Variants in EVL observed in about 807,000 individuals in gnomAD.
EVL encodes the protein Enah/Vasp-like.
In EVL, 21 loss-of-function variants were observed where a neutral mutation model predicts 59.6. The ratio of observed to expected loss-of-function variants is 0.35; its 90% CI spans 0.25 to 0.51. EVL has a LOEUF of 0.51. Ranked by LOEUF, EVL falls within the 20% of genes least tolerant of loss-of-function variation. EVL has a pLI of 0.97. For synonymous variants in EVL, 198 were observed against 203.5 expected (o/e 0.97, Z 0.23); for missense variants, 462 against 546.6 (o/e 0.85, Z 1.54).
At chr14:100,104,620 C>G (rs969628465) in intron 3 of EVL, among the ~76,000 whole-genome samples, 3 of 152,100 alleles carry the variant, frequency 2.0e-5, no homozygotes, top group East Asian at 1.9e-4. Flanking sequence ...TTTTATAAAC[C>G]CTGCAAAGCT....
chr14:100,042,578 C>T (rs1312203630), intron 1 of EVL, among the ~76,000 whole-genome samples: 5 of 152,134 alleles, frequency 3.3e-5, no homozygotes, highest in Admixed American at 6.5e-5. Context: ...GTGAGCATGC[C>T]GTGAGGGTGC....
At chr14:100,123,101 T>C (rs1334765981) in intron 3 of EVL, among the ~76,000 whole-genome samples, 1 of 152,196 alleles carries the variant, frequency 6.6e-6, no homozygotes, top group African/African-American at 2.4e-5. Flanking sequence ...GAAAGTGGAA[T>C]CAAGTGGACT....
intron 4 of EVL, among the ~76,000 whole-genome samples, 173 bp downstream of exon 4, chr14:100,123,775 C>T (rs1338103142): frequency 6.6e-6 from 1 of 152,210 alleles, no homozygotes; most frequent in Non-Finnish European, 1.5e-5. Flanking sequence ...GGGGCCGATG[C>T]GCAGCCGCTG....
At chr14:100,078,145 TA>T (rs2062207328) in intron 1 of EVL, among the ~76,000 whole-genome samples, 1 of 152,230 alleles carries the variant, frequency 6.6e-6, no homozygotes, top group African/African-American at 2.4e-5. Context: ...ACGTTGGTTT[TA>T]AAATCTGTTT....
At chr14:100,084,610 C>G in intron 1 of EVL, 77 bp from the exon 2 acceptor site, 1 of 1,500,814 alleles carries the variant, frequency 6.7e-7, no homozygotes, top group East Asian at 2.3e-5. Context: ...AGCAATTGGC[C>G]TCTATTTCAG....
intron 1 of EVL, among the ~76,000 whole-genome samples, chr14:100,030,981 G>C (rs2061306088): frequency 6.6e-6 from 1 of 152,204 alleles, no homozygotes; most frequent in Non-Finnish European, 1.5e-5. Context: ...TATGACGTAT[G>C]AGGTCTCTTC....
intron 1 of EVL, among the ~76,000 whole-genome samples, chr14:100,015,471 A>G (rs1209162): frequency 0.31 from 46,529 of 152,030 alleles, 8,764 homozygotes; most frequent in African/African-American, 0.52. Context: ...TGAGTGTTCT[A>G]CCATGGTAGT....
At chr14:100,012,847 C>T (rs1008803689) in intron 1 of EVL, among the ~76,000 whole-genome samples, 1 of 152,204 alleles carries the variant, frequency 6.6e-6, no homozygotes, top group South Asian at 2.1e-4. Context: ...CTAAGACTTA[C>T]AATGTATGAC....
intron 5 of EVL, 71 bp downstream of exon 5, chr14:100,126,842 G>GCCCCGTGTGT: frequency 2.7e-6 from 4 of 1,495,102 alleles, no homozygotes; most frequent in Non-Finnish European, 2.8e-6. Context: ...CGTAGATGAG[G>GCCCCGTGTGT]CCCAGGGACA....
intron 1 of EVL, among the ~76,000 whole-genome samples, chr14:99,986,091 A>G (rs1020260478): frequency 2.0e-5 from 3 of 152,090 alleles, no homozygotes; most frequent in African/African-American, 7.2e-5. Flanking sequence ...CAGGAGTTCA[A>G]GACCAGCCTG....
At chr14:99,971,452 G>A (rs981231858) in exon 1 of EVL, 1 of 151,822 alleles carries the variant, frequency 6.6e-6, no homozygotes, top group African/African-American at 2.4e-5. Context: ...CGCGGACGGT[G>A]GGGCCCCGCG....
At chr14:100,137,212 G>A (rs1014125189) in intron 9 of EVL, 7 of 292,478 alleles carry the variant, frequency 2.4e-5, no homozygotes, top group Non-Finnish European at 4.5e-5. Flanking sequence ...AGCAGGTGCC[G>A]GGCCGAGGGG....
At chr14:100,039,447 G>C (rs1490382146) in intron 1 of EVL, among the ~76,000 whole-genome samples, 1 of 152,140 alleles carries the variant, frequency 6.6e-6, no homozygotes, top group Non-Finnish European at 1.5e-5. Context: ...ATGTCGGTCA[G>C]GCTGGTCTCA....
chr14:100,136,016 G>T (rs1281954950), intron 9 of EVL, 48 bp downstream of exon 9: 2 of 1,601,898 alleles, frequency 1.2e-6, no homozygotes, highest in African/African-American at 2.7e-5. Context: ...AGGTCTCAGA[G>T]TGGGAGGGGG....
intron 1 of EVL, among the ~76,000 whole-genome samples, chr14:99,989,796 TTAAA>T (rs1486126638): frequency 6.6e-6 from 1 of 152,212 alleles, no homozygotes; most frequent in Non-Finnish European, 1.5e-5. Flanking sequence ...TAAATATCTG[TTAAA>T]TGAATGAATG....
rs58173126 is a variant in EVL, at chr14:100,118,901, A to T, written c.359-4638A>T. ...CGAAGCTGGAAAGTGGGCCTCCAAG[A>T]CAGCAAGAAGTCAGCTCCTTCCCAA... On this transcript the variant is annotated intron_variant, in intron 3 of 13. Transcript: ENST00000392920. 0.017 allele frequency among the ~76,000 whole-genome samples: 2,531 copies of T among 152,320 alleles called. 116 individuals carry two copies. In the East Asian group the frequency reaches 0.19, roughly 11 times the overall value.
At position 100,038,773 on chromosome 14, in the gene EVL, T is replaced by G. The variant is rs185379034; in HGVS notation, c.6-45914T>G. ...GTACCCTGTGTGCTGTGCCCTGGGG[T>G]GTGTGTGTGTGTGTGTGTGTGTGTG... is the stretch of plus-strand genomic sequence containing the variant. On this transcript the variant is annotated intron_variant, in intron 1 of 13. Coordinates refer to the EVL transcript ENST00000402714. Among the ~76,000 whole-genome samples the G allele has an allele frequency of 9.5e-3, 1,383 of 145,352 alleles. 17 individuals carry two copies. Among genetic ancestry groups the G allele is most frequent in the African/African-American group, 0.034 (1,292 of 37,772 alleles).
At chr14:100,023,972 C>T (rs1268955471) in intron 1 of EVL, among the ~76,000 whole-genome samples, 2 of 152,168 alleles carry the variant, frequency 1.3e-5, no homozygotes, top group Non-Finnish European at 2.9e-5. Flanking sequence ...CTTTTTCCCC[C>T]ATAATCCGTC....
At position 99,980,321 on chromosome 14, in the gene EVL, C is replaced by T. The variant is rs144303952; in HGVS notation, c.5+8264C>T. ...AGCAACATTTTCTGGGTTGGACGGC[C>T]GTGCAGGCATCTGGATCCCAACATC... On this transcript the variant is annotated intron_variant, in intron 1 of 13. Transcript: ENST00000402714. 1.3e-4 allele frequency among the ~76,000 whole-genome samples: 20 copies of T among 152,252 alleles called. No homozygotes were observed. The East Asian group carries it at 1.3e-3, about 10-fold the overall frequency.
Sources: gnomAD v4.1 joint callset for allele counts (sites outside exome capture counted in the v4.1 genomes callset) on GRCh38, gnomAD v4.1.1 for gene constraint, MANE v1.5 for transcripts, NCBI Gene and HGNC (gene_info 2026-07-23, HGNC 2026-07-21) for gene names.